Variants in FOXJ2 observed in about 807,000 individuals in gnomAD.
FOXJ2 encodes the protein forkhead box J2.
In FOXJ2, 18 loss-of-function variants were observed where a neutral mutation model predicts 68.4. The observed-to-expected ratio is 0.26, with a 90% CI of 0.18 to 0.39. The LOEUF (loss-of-function observed/expected upper bound fraction) is 0.39, where lower values mean the gene tolerates loss of function less well. Ranked by LOEUF, FOXJ2 falls within the 10% of genes least tolerant of loss-of-function variation. The pLI, the probability that FOXJ2 is intolerant of heterozygous loss-of-function variation, is 1.00. For synonymous variants in FOXJ2, 274 were observed against 263.2 expected, an observed-to-expected ratio of 1.04 and a Z score of -0.40; for missense variants, 670 against 726.5, an observed-to-expected ratio of 0.92 and a Z score of 0.89.
intron 1 of FOXJ2, 61 bp from the exon 2 acceptor site, chr12:8,039,758 C>G: frequency 7.2e-7 from 1 of 1,393,520 alleles, no homozygotes; most frequent in African/African-American, 1.4e-5. Context: ...TTCCCTCAAA[C>G]AAAAGGATTT....
Position 8,042,715 on chromosome 12 carries a change from C to G in FOXJ2, c.391C>G (p.Arg131Gly). The change falls in exon 3 of 11, where the codon CGG (arginine) becomes GGG (glycine). Residue 131 changes from arginine (R) to glycine (G), a missense_variant. Transcript: ENST00000162391. Reference protein sequence around the residue: ...NKCFRKVPRPRDDPGKGSYWT... With the variant: ...NKCFRKVPRPGDDPGKGSYWT... ...GTGTTTCCGGAAGGTGCCCAGACCT[C>G]GGGATGACCCTGGGAAGGTAAGATA... The G allele has an allele frequency of 6.2e-7, 1 of 1,614,028 alleles. No homozygotes were observed. The highest frequency in any genetic ancestry group is 8.5e-7 in the Non-Finnish European group (1 of 1,179,940).
At chr12:8,044,497 G>T (rs556903527) in intron 5 of FOXJ2, among the ~76,000 whole-genome samples, 26 of 152,146 alleles carry the variant, frequency 1.7e-4, no homozygotes, top group Middle Eastern at 6.8e-3. Context: ...CACTTGAACC[G>T]GGGAGGTGGA....
intron 10 of FOXJ2, 127 bp from the exon 11 acceptor site, chr12:8,052,635 C>T: frequency 1.4e-6 from 1 of 693,164 alleles, no homozygotes; most frequent in East Asian, 2.8e-5. Flanking sequence ...TTAACTCCAG[C>T]TGATAAGGGC....
chr12:8,037,570 C>G lies in FOXJ2; in HGVS notation c.-14-2249C>G, dbSNP rs780530768. On this transcript the variant is annotated intron_variant, in intron 1 of 10. Transcript: ENST00000162391. ...AACACTTTAAATCCACTCTCATGCC[C>G]CTGTCCAATGCTGGGAAAGTTGTTT... 6.6e-5 allele frequency among the ~76,000 whole-genome samples: 10 copies of G among 152,296 alleles called. No homozygotes were observed. The East Asian group carries it at 1.7e-3, about 26-fold the overall frequency.
chr12:8,050,323 G>T, intron 9 of FOXJ2, 199 bp from the exon 10 acceptor site: 2 of 1,342,664 alleles, frequency 1.5e-6, no homozygotes, highest in Non-Finnish European at 1.9e-6. Flanking sequence ...TTTCACAATT[G>T]TACTATCCAT....
rs748296829 is a variant in FOXJ2 at position 8,049,076 on chromosome 12, G to C, written c.1327+278G>C. Reference sequence around the variant, plus strand: ...TTTAGAGACCGTGGACCACGATTTTGTAGTTTTGTCACCACTCACTGACAG... The same window carrying C: ...TTTAGAGACCGTGGACCACGATTTTCTAGTTTTGTCACCACTCACTGACAG... On this transcript the variant is annotated intron_variant, in intron 8 of 10. Coordinates refer to ENST00000162391, the MANE Select transcript of FOXJ2 (RefSeq NM_018416.3). 2.0e-5 allele frequency among the ~76,000 whole-genome samples: 3 copies of C among 152,328 alleles called. No individual in the cohort carries two copies. The East Asian group carries it at 5.8e-4, about 29-fold the overall frequency.
rs1428555968 is a variant in FOXJ2, at chr12:8,035,360, A to C, written c.-15+1527A>C. On this transcript the variant is annotated intron_variant, in intron 1 of 10. Coordinates refer to ENST00000162391, the MANE Select transcript of FOXJ2 (RefSeq NM_018416.3). The surrounding 1 kb of genome is among the most constrained non-coding windows in gnomAD (Gnocchi z 4.0). ...GAGGGGAAAGGCTTGGCCTCCCCCC[A>C]GTCAATGGGAGCCCTCGTGACGGTC... Among the ~76,000 whole-genome samples the C allele has an allele frequency of 6.6e-6, 1 of 152,166 alleles. No individual in the cohort carries two copies. Among genetic ancestry groups the C allele is most frequent in the East Asian group, 1.9e-4 (1 of 5,192 alleles).
chr12:8,046,617 A>C (rs771746207), intron 6 of FOXJ2, among the ~76,000 whole-genome samples: 3 of 152,186 alleles, frequency 2.0e-5, no homozygotes, highest in Non-Finnish European at 4.4e-5. Flanking sequence ...TAAAGTTTTT[A>C]CTGGGAGGCC....
chr12:8,050,394 G>T (rs1947100570), intron 9 of FOXJ2, 128 bp from the exon 10 acceptor site: 1 of 1,420,774 alleles, frequency 7.0e-7, no homozygotes. Flanking sequence ...ATGCCTGCAG[G>T]AGCTACAGAA....
In FOXJ2 at chr12:8,043,939, C is replaced by A; in HGVS notation, c.478-12C>A. ...CTCTGCTTATAGATTTCTTTTTTTT[C>A]ACAACCCTCAGCTGTCCCAAGACTC... On this transcript the variant is annotated splice_polypyrimidine_tract_variant and intron_variant, in intron 4 of 10. Transcript: ENST00000162391. 1 of 1,546,782 alleles carries A rather than the reference C, an allele frequency of 6.5e-7. No individual in the cohort carries two copies. The highest frequency in any genetic ancestry group is 8.7e-7 in the Non-Finnish European group (1 of 1,150,620).
intron 9 of FOXJ2, 138 bp downstream of exon 9, chr12:8,049,709 G>T: frequency 1.4e-6 from 1 of 708,648 alleles, no homozygotes; most frequent in South Asian, 2.5e-5. Context: ...TTTATCAGTT[G>T]ACTGAATATC....
At position 8,054,825 on chromosome 12, in the gene FOXJ2, T is replaced by C. The variant is rs1947166843; in HGVS notation, c.*1975T>C. On this transcript the variant is annotated 3_prime_UTR_variant, in exon 11 of 11. Coordinates refer to ENST00000162391, the MANE Select transcript of FOXJ2 (RefSeq NM_018416.3). Reference sequence around the variant, plus strand: ...TTCCTTCCAGTCAGGGTGTGTCCTATACAAAACTTCCCATCAGTTCTCCTC... The same window carrying C: ...TTCCTTCCAGTCAGGGTGTGTCCTACACAAAACTTCCCATCAGTTCTCCTC... 6.6e-6 allele frequency: 1 copy of C among 152,286 alleles called. No homozygotes were observed. Among genetic ancestry groups the C allele is most frequent in the African/African-American group, 2.4e-5 (1 of 41,464 alleles). 9.4% of individuals were successfully genotyped at this position (152,286 alleles called of 1,614,324 possible).
Position 8,048,050 on chromosome 12 carries a change from C to T in FOXJ2, c.986C>T (p.Ala329Val). The T allele has an allele frequency of 6.2e-7, 1 of 1,613,114 alleles. No homozygotes were observed. The highest frequency in any genetic ancestry group is 8.5e-7 in the Non-Finnish European group (1 of 1,179,334). The change falls in exon 7 of 11, where the codon GCT becomes GTT. Residue 329 changes from alanine to valine, a missense_variant. By Grantham distance (64) the Ala-to-Val change is moderately conservative. This residue lies in a region of FOXJ2 where 555 missense variants were observed against 562.2 expected (regional missense o/e 0.99). Coordinates refer to ENST00000162391, the MANE Select transcript of FOXJ2 (RefSeq NM_018416.3). The part of the protein sequence containing the change: ...QQQAPAQGPS[A>V]VGGAPPLHTP... ...CAGGCACCTGCCCAGGGCCCCTCAG[C>T]TGTAGGGGGTGCTCCTCCACTGCAC...
intron 1 of FOXJ2, among the ~76,000 whole-genome samples, chr12:8,037,554 A>G (rs1946913947): frequency 6.6e-6 from 1 of 152,210 alleles, no homozygotes; most frequent in Non-Finnish European, 1.5e-5. Flanking sequence ...AAACACTTTA[A>G]ATCCACTCTC....
intron 3 of FOXJ2, 30 bp downstream of exon 3, chr12:8,042,762 G>A: frequency 6.4e-7 from 1 of 1,569,372 alleles, no homozygotes; most frequent in Non-Finnish European, 8.8e-7. Context: ...ATTGAAAGGA[G>A]GAGTAGGAAG....
Position 8,033,017 on chromosome 12 carries a change from C to T in FOXJ2, c.-831C>T, listed in dbSNP as rs1314087156. On this transcript the variant is annotated 5_prime_UTR_variant, in exon 1 of 11. In the 5' UTR this introduces an upstream ATG that the reference lacks. Transcript: ENST00000162391. The stretch of plus-strand genomic sequence containing the variant: ...CCGGGAGCGGAGGCGGGAGCGGGGA[C>T]GCGAGCAACCTCTCCCCCTGTTGGA... 5.0e-6 allele frequency: 2 copies of T among 396,432 alleles called. No homozygotes were observed. Among genetic ancestry groups the T allele is most frequent in the Non-Finnish European group, 8.9e-6 (2 of 225,280 alleles). 24.6% of individuals were successfully genotyped at this position (396,432 alleles called of 1,614,324 possible).
In FOXJ2 at chr12:8,049,627, A is replaced by AGGAGAAAGGCAAAAGAGAACTG. The variant is rs750039233; in HGVS notation, c.1537+57_1537+78dup. 12 of 1,467,858 alleles carry AGGAGAAAGGCAAAAGAGAACTG rather than the reference A, an allele frequency of 8.2e-6. No individual in the cohort carries two copies. The South Asian group carries it at 1.7e-4, about 20-fold the overall frequency. The allele number at this position is 1,467,858 out of a possible 1,614,324, so 90.9% of individuals were successfully genotyped here. ...GGAGACTATGTTGAAAAGGAAGCAT[A>AGGAGAAAGGCAAAAGAGAACTG]GGAGAAAGGCAAAAGAGAACTGAGA... On this transcript the variant is annotated intron_variant, in intron 9 of 10. Transcript: ENST00000162391.
chr12:8,047,843 ATTGC>A, intron 6 of FOXJ2, 35 bp from the exon 7 acceptor site: 1 of 1,530,694 alleles, frequency 6.5e-7, no homozygotes, highest in Non-Finnish European at 8.8e-7. Context: ...TGAAAAATGC[ATTGC>A]TTAAGTCACT....
chr12:8,046,604 A>G (rs1947039511), intron 6 of FOXJ2, among the ~76,000 whole-genome samples: 1 of 152,224 alleles, frequency 6.6e-6, no homozygotes, highest in Admixed American at 6.5e-5. Flanking sequence ...TATGAGAATG[A>G]CTTAAAGTTT....
Sources: allele counts gnomAD v4.1 joint callset (sites outside exome capture counted in the v4.1 genomes callset), GRCh38; gene constraint gnomAD v4.1.1; regional missense constraint gnomAD v4.1.1; non-coding constraint Gnocchi (gnomAD v3.1); transcripts MANE v1.5; gene names NCBI Gene and HGNC (gene_info 2026-07-23, HGNC 2026-07-21).